The following MITF variants were observed in gnomAD, a reference collection of about 807,000 sequenced individuals.
The protein encoded by MITF is melanocyte inducing transcription factor.
Under a neutral mutation model 60.5 loss-of-function variants are expected in MITF, and 17 were observed. That is an observed-to-expected ratio of 0.28 (90% CI 0.19 to 0.42). The LOEUF (loss-of-function observed/expected upper bound fraction) is 0.42. MITF is among the 10% of genes least tolerant of loss of function. MITF has a pLI of 1.00. For missense variants in MITF, 622 were observed against 683.5 expected, an observed-to-expected ratio of 0.91 and a Z score of 1.00; for synonymous variants, 260 against 248.5, an observed-to-expected ratio of 1.05 and a Z score of -0.43.
At chr3:69,872,726 TG>T (rs1466798414) in intron 1 of MITF, among the ~76,000 whole-genome samples, 5 of 152,126 alleles carry the variant, frequency 3.3e-5, no homozygotes, top group Non-Finnish European at 7.4e-5. Context: ...TTAAAAAAAA[TG>T]TGGAGAATCC....
intron 2 of MITF, among the ~76,000 whole-genome samples, chr3:69,910,871 T>C (rs1250790529): frequency 2.0e-5 from 3 of 152,000 alleles, no homozygotes; most frequent in Admixed American, 1.3e-4. Flanking sequence ...GATTTTTGGG[T>C]TAATGCTGAA....
chr3:69,907,794 A>G (rs1005311922), intron 2 of MITF, among the ~76,000 whole-genome samples: 2 of 152,132 alleles, frequency 1.3e-5, no homozygotes, highest in South Asian at 2.1e-4. Context: ...TATGAGGGCT[A>G]AGCTCCAAAA....
At chr3:69,929,877 G>A (rs1352223012) in intron 2 of MITF, among the ~76,000 whole-genome samples, 4 of 152,018 alleles carry the variant, frequency 2.6e-5, no homozygotes, top group Non-Finnish European at 5.9e-5. Context: ...TTCTGAAGAT[G>A]GAAACAATAT....
At chr3:69,921,940 T>C (rs950995752) in intron 2 of MITF, among the ~76,000 whole-genome samples, 4 of 152,144 alleles carry the variant, frequency 2.6e-5, no homozygotes, top group South Asian at 4.1e-4. Flanking sequence ...TGGATGCCGG[T>C]AGTAGCACCC....
chr3:69,818,497 T>A (rs934341655), intron 1 of MITF, among the ~76,000 whole-genome samples: 1 of 152,168 alleles, frequency 6.6e-6, no homozygotes, highest in African/African-American at 2.4e-5. Flanking sequence ...TTCTACAATT[T>A]TCCAATATTA....
At chr3:69,742,984 C>G (rs902228299) in intron 1 of MITF, among the ~76,000 whole-genome samples, 1 of 152,148 alleles carries the variant, frequency 6.6e-6, no homozygotes, top group Non-Finnish European at 1.5e-5. Context: ...TTTCTCCATG[C>G]TAGACTGCAA....
At chr3:69,826,573 G>A (rs1233733182) in intron 1 of MITF, among the ~76,000 whole-genome samples, 1 of 152,206 alleles carries the variant, frequency 6.6e-6, no homozygotes, top group Non-Finnish European at 1.5e-5. Flanking sequence ...ACAGCAAAAT[G>A]TGAGGTTGAA....
intron 2 of MITF, among the ~76,000 whole-genome samples, chr3:69,900,883 A>G (rs961233801): frequency 5.3e-5 from 8 of 152,184 alleles, no homozygotes; most frequent in African/African-American, 1.9e-4. Flanking sequence ...AACTATTAAA[A>G]TCAGAAGAAT....
chr3:69,943,349 G>T (rs1202343120), intron 5 of MITF, among the ~76,000 whole-genome samples: 1 of 151,958 alleles, frequency 6.6e-6, no homozygotes, highest in East Asian at 1.9e-4. Flanking sequence ...GACCAGATCT[G>T]GGGTCAAACC....
chr3:69,778,584 G>A (rs566503535), intron 1 of MITF, among the ~76,000 whole-genome samples: 11 of 152,180 alleles, frequency 7.2e-5, no homozygotes, highest in Non-Finnish European at 1.5e-4. Flanking sequence ...GATGGCTGCC[G>A]CTCCTCTGGG....
At chr3:69,959,041 A>C (rs887171085) in intron 8 of MITF, among the ~76,000 whole-genome samples, 2 of 151,874 alleles carry the variant, frequency 1.3e-5, no homozygotes, top group African/African-American at 4.8e-5. Flanking sequence ...GTGAGGGATA[A>C]AAGCCTACAC....
chr3:69,935,542 C>A (rs919880125), intron 2 of MITF, among the ~76,000 whole-genome samples: 1 of 151,988 alleles, frequency 6.6e-6, no homozygotes, highest in Non-Finnish European at 1.5e-5. Flanking sequence ...TCTCTGTGAA[C>A]CTCTGTGTAC....
chr3:69,867,487 A>G (rs1371872610), intron 1 of MITF, among the ~76,000 whole-genome samples: 1 of 152,142 alleles, frequency 6.6e-6, no homozygotes, highest in Non-Finnish European at 1.5e-5. Context: ...CAGATACTTT[A>G]GATTTTTTTC....
At chr3:69,821,922 T>C (rs894621233) in intron 1 of MITF, among the ~76,000 whole-genome samples, 4 of 152,110 alleles carry the variant, frequency 2.6e-5, no homozygotes, top group African/African-American at 9.7e-5. Flanking sequence ...TCTGTATTTT[T>C]AGTAGAGATG....
At chr3:69,938,233 G>T in intron 3 of MITF, 184 bp downstream of exon 3, 1 of 1,122,478 alleles carries the variant, frequency 8.9e-7, no homozygotes, top group Non-Finnish European at 1.3e-6. Context: ...GGGTTATTGG[G>T]TGTAGAGCAC....
intron 1 of MITF, among the ~76,000 whole-genome samples, chr3:69,755,862 C>T (rs1225189954): frequency 6.6e-6 from 1 of 152,190 alleles, no homozygotes; most frequent in African/African-American, 2.4e-5. Flanking sequence ...GCTCACCTTA[C>T]TGCTGCTCCT....
At chr3:69,933,610 A>C (rs925597719) in intron 2 of MITF, among the ~76,000 whole-genome samples, 1 of 152,202 alleles carries the variant, frequency 6.6e-6, no homozygotes, top group African/African-American at 2.4e-5. Context: ...TAACTCAGAT[A>C]GCTAGCATAA....
At chr3:69,742,913 C>G (rs1703582233) in intron 1 of MITF, among the ~76,000 whole-genome samples, 1 of 152,060 alleles carries the variant, frequency 6.6e-6, no homozygotes, top group Non-Finnish European at 1.5e-5. Flanking sequence ...ATATTTTTTT[C>G]CCATAGGGCT....
At chr3:69,913,741 A>G (rs1160785063) in intron 2 of MITF, among the ~76,000 whole-genome samples, 1 of 152,228 alleles carries the variant, frequency 6.6e-6, no homozygotes, top group Non-Finnish European at 1.5e-5. Context: ...GTGATTTTAC[A>G]TCATCCTAAC....
Sources: allele counts gnomAD v4.1 joint callset (sites outside exome capture counted in the v4.1 genomes callset), GRCh38; gene constraint gnomAD v4.1.1; transcripts MANE v1.5; gene names NCBI Gene and HGNC (gene_info 2026-07-23, HGNC 2026-07-21).